The following PPP2R1B variants were observed in gnomAD, a reference collection of about 807,000 sequenced individuals.
The protein encoded by PPP2R1B is protein phosphatase 2 scaffold subunit Abeta.
PPP2R1B carries 58 observed loss-of-function variants against 72.7 expected under a neutral mutation model. The ratio of observed to expected loss-of-function variants is 0.80; its 90% confidence interval spans 0.65 to 0.99. The LOEUF is 0.99. PPP2R1B is among the 50% of genes least tolerant of loss of function. The pLI is 0.00. For synonymous variants in PPP2R1B, 256 were observed against 264.6 expected (o/e 0.97, Z 0.32); for missense variants, 695 against 733.6 (o/e 0.95, Z 0.61).
chr11:111,754,910 C>A, intron 7 of PPP2R1B, 70 bp downstream of exon 7: 1 of 1,389,286 alleles, frequency 7.2e-7, no homozygotes, highest in South Asian at 1.3e-5. Flanking sequence ...AAAAAACATG[C>A]AAAATTGACT....
chr11:111,759,932 A>G lies in PPP2R1B; in HGVS notation c.559T>C (p.Ser187Pro). The G allele has an allele frequency of 6.2e-7, 1 of 1,613,998 alleles. No individual in the cohort carries two copies. Among genetic ancestry groups the G allele is most frequent in the Non-Finnish European group, 8.5e-7 (1 of 1,179,944 alleles). ...CGTCGTACCATTGGTGTGTCATCTG[A>G]GCACAAGGAACGGAATTGCCTGCAA... ...EIRQQFRSLCSDDTPMVRRAA... is the reference protein window; with the variant it reads ...EIRQQFRSLCPDDTPMVRRAA... The change falls in exon 5 of 15, where the codon TCA becomes CCA. Residue 187 changes from serine to proline, a missense_variant. Coordinates refer to ENST00000527614, the MANE Select transcript of PPP2R1B (RefSeq NM_002716.5).
chr11:111,753,921 A>AT (rs782775685), intron 8 of PPP2R1B, among the ~76,000 whole-genome samples: 149 of 143,238 alleles, frequency 1.0e-3, no homozygotes, highest in Middle Eastern at 3.6e-3. Context: ...GCCTGGCCTA[A>AT]TTTTTTTTTT....
intron 3 of PPP2R1B, among the ~76,000 whole-genome samples, chr11:111,761,759 G>T (rs1945337843): frequency 1.3e-5 from 2 of 152,180 alleles, no homozygotes; most frequent in Admixed American, 1.3e-4. Context: ...AGGAGCTCGA[G>T]ACCAGCCTGG....
At chr11:111,721,901 G>C in the PPP2R1B span, 3 of 1,611,212 alleles carry the variant, frequency 1.9e-6, no homozygotes, top group African/African-American at 2.7e-5. Flanking sequence ...TGTCCCCACG[G>C]CAGAGCCTGG....
chr11:111,747,991 C>T lies in PPP2R1B; in HGVS notation c.1362G>A (p.Lys454=). Reference sequence around the variant, plus strand: ...GCCAAGCCATACATAAAGAATTCAGCTTTTCATCAAAGAATTCCACACCCT... The same window carrying T: ...GCCAAGCCATACATAAAGAATTCAGTTTTTCATCAAAGAATTCCACACCCT... ...GQLGVEFFDE[K]LNSLCMAWLV... The change falls in exon 11 of 15, where the codon AAG becomes AAA. Residue 454 remains lysine, a synonymous_variant. Coordinates refer to ENST00000527614, the MANE Select transcript of PPP2R1B (RefSeq NM_002716.5). 1 of 1,613,384 alleles carries T rather than the reference C, an allele frequency of 6.2e-7. No individual in the cohort carries two copies.
chr11:111,736,694 C>T (rs765285857), downstream of PPP2R1B, among the ~76,000 whole-genome samples: 6 of 152,310 alleles, frequency 3.9e-5, no homozygotes, highest in Non-Finnish European at 8.8e-5. Flanking sequence ...TTCATGGTTT[C>T]GGTTCACATA....
chr11:111,724,237 G>A (rs1943898806), downstream of PPP2R1B: 2 of 1,435,160 alleles, frequency 1.4e-6, no homozygotes, highest in East Asian at 4.7e-5. Context: ...TCCCTAACGG[G>A]GAGAAATCGA....
chr11:111,731,087 A>G (rs1183922232), intron 15 of PPP2R1B, among the ~76,000 whole-genome samples: 2 of 152,268 alleles, frequency 1.3e-5, no homozygotes, highest in Non-Finnish European at 2.9e-5. Flanking sequence ...TGACGGAAGC[A>G]CTGCTAACCG....
At chr11:111,742,459 C>T in intron 13 of PPP2R1B, 64 bp downstream of exon 13, 4 of 1,518,462 alleles carry the variant, frequency 2.6e-6, no homozygotes, top group East Asian at 2.3e-5. Context: ...TAGCTAATTA[C>T]TCCCCACTAT....
intron 11 of PPP2R1B, 59 bp downstream of exon 11, chr11:111,747,895 G>A: frequency 1.3e-6 from 2 of 1,499,476 alleles, no homozygotes; most frequent in African/African-American, 2.8e-5. Context: ...CTTTCTAAAA[G>A]GAAATGTATG....
At chr11:111,754,721 T>A (rs1249357923) in intron 7 of PPP2R1B, 152 bp from the exon 8 acceptor site, 1 of 1,379,738 alleles carries the variant, frequency 7.2e-7, no homozygotes, top group Non-Finnish European at 9.6e-7. Context: ...AACTTTTTCG[T>A]GAACTCTCTA....
rs1387942842 is a variant in PPP2R1B at position 111,739,508 on chromosome 11, G to C, written c.*2088C>G. The stretch of plus-strand genomic sequence containing the variant: ...GGTCACCACAAAAGACAGAGGCCCC[G>C]CTGAACCCCCGACCCATGCTTGAGA... On this transcript the variant is annotated 3_prime_UTR_variant, in exon 15 of 15. Transcript: ENST00000527614. The C allele has an allele frequency of 1.4e-5, 14 of 985,388 alleles. No individual in the cohort carries two copies. The highest frequency in any genetic ancestry group is 1.7e-5 in the Non-Finnish European group (14 of 829,958). The allele number at this position is 985,388 out of a possible 1,614,324, so 61.0% of individuals were successfully genotyped here. A position where few individuals can be genotyped will look rare whatever the true frequency, so the allele number is the denominator to read the frequency against.
At chr11:111,690,006 CAT>C in the PPP2R1B span, among the ~76,000 whole-genome samples, 1 of 151,184 alleles carries the variant, frequency 6.6e-6, no homozygotes, top group Non-Finnish European at 1.5e-5. Flanking sequence ...ATATATCACA[CAT>C]ATACACGTAT....
chr11:111,724,891 A>T (rs1223845537), downstream of PPP2R1B: 1 of 152,340 alleles, frequency 6.6e-6, no homozygotes, highest in Admixed American at 6.5e-5. Context: ...CCGTGGAGGC[A>T]GGGGGCAAGA....
the PPP2R1B span, chr11:111,720,461 TC>T: frequency 6.3e-7 from 1 of 1,583,120 alleles, no homozygotes; most frequent in Non-Finnish European, 8.6e-7. Context: ...TTTTATCTGT[TC>T]TGTTTTCTCT....
chr11:111,690,152 GTGTCAT>G, the PPP2R1B span, among the ~76,000 whole-genome samples: 1 of 151,546 alleles, frequency 6.6e-6, no homozygotes, highest in African/African-American at 2.4e-5. Flanking sequence ...CTTCCATTTG[GTGTCAT>G]TTATTTCACT....
chr11:111,690,022 T>C, the PPP2R1B span, among the ~76,000 whole-genome samples: 2 of 152,074 alleles, frequency 1.3e-5, no homozygotes, highest in Non-Finnish European at 2.9e-5. Flanking sequence ...CACGTATATA[T>C]AAAGATTTAT....
the PPP2R1B span, among the ~76,000 whole-genome samples, chr11:111,692,369 A>G: frequency 7.6e-6 from 1 of 131,932 alleles, no homozygotes; most frequent in Non-Finnish European, 1.7e-5. Flanking sequence ...AAAAAAAAAA[A>G]AAAAAAAAAA....
downstream of PPP2R1B, among the ~76,000 whole-genome samples, chr11:111,733,351 CCA>C (rs146651300): frequency 1.1e-3 from 161 of 152,246 alleles, no homozygotes; most frequent in African/African-American, 3.8e-3. Flanking sequence ...CAGGAGGGAG[CCA>C]CAGCATGGGA....
Sources: allele counts gnomAD v4.1 joint callset (sites outside exome capture counted in the v4.1 genomes callset), GRCh38; gene constraint gnomAD v4.1.1; transcripts MANE v1.5; gene names NCBI Gene and HGNC (gene_info 2026-07-23, HGNC 2026-07-21).